Variants in SUZ12 observed in about 807,000 individuals in gnomAD.
The protein encoded by SUZ12 is SUZ12 polycomb repressive complex 2 subunit.
In SUZ12, 17 loss-of-function variants were observed where a neutral mutation model predicts 87.3. The ratio of observed to expected loss-of-function variants is 0.19; its 90% CI spans 0.13 to 0.29. SUZ12 has a LOEUF of 0.29. Ranked by LOEUF, SUZ12 falls within the 10% of genes least tolerant of loss-of-function variation. The pLI is 1.00. For missense variants in SUZ12, 526 were observed against 912.2 expected (o/e 0.58, Z 5.45); for synonymous variants, 253 against 312.4 (o/e 0.81, Z 2.01).
chr17:31,971,501 T>A (rs1399664477), intron 5 of SUZ12, among the ~76,000 whole-genome samples: 11 of 150,390 alleles, frequency 7.3e-5, no homozygotes, highest in Non-Finnish European at 1.5e-4. Flanking sequence ...GATCTCAGCT[T>A]ACTGCAACCT....
chr17:31,986,462 A>T (rs1909424763), intron 9 of SUZ12, among the ~76,000 whole-genome samples: 1 of 152,200 alleles, frequency 6.6e-6, no homozygotes, highest in Non-Finnish European at 1.5e-5. Context: ...TGTATCAAGT[A>T]TTTTATAAGA....
intron 4 of SUZ12, among the ~76,000 whole-genome samples, chr17:31,963,040 CTT>C (rs1907831691): frequency 6.6e-6 from 1 of 152,196 alleles, no homozygotes; most frequent in African/African-American, 2.4e-5. Flanking sequence ...ATAATGCTGT[CTT>C]TTTAGTAAAA....
chr17:31,977,441 A>G (rs904232492), intron 8 of SUZ12, among the ~76,000 whole-genome samples: 6 of 151,944 alleles, frequency 3.9e-5, no homozygotes, highest in South Asian at 2.1e-4. Context: ...CACCACGCCC[A>G]GCTAATTTTT....
chr17:31,966,473 G>A, intron 5 of SUZ12: 1 of 303,506 alleles, frequency 3.3e-6, no homozygotes, highest in Non-Finnish European at 6.2e-6. Context: ...TCAGCCTCCT[G>A]AGTAGCTGGG....
chr17:31,937,609 G>A lies in SUZ12; in HGVS notation c.274+89G>A. On this transcript the variant is annotated intron_variant, in intron 1 of 15. Coordinates refer to ENST00000322652, the MANE Select transcript of SUZ12 (RefSeq NM_015355.4). ...TCTGCTGGGCCCCCTTCCTCCTCGG[G>A]AGTCCACTTGTGTGGTAGTGGAGGG... 4.7e-6 allele frequency: 7 copies of A among 1,495,532 alleles called. No homozygotes were observed. The South Asian group carries it at 6.1e-5, about 13-fold the overall frequency. 92.6% of individuals were successfully genotyped at this position (1,495,532 alleles called of 1,614,324 possible).
intron 4 of SUZ12, among the ~76,000 whole-genome samples, chr17:31,963,490 A>G (rs76861559): frequency 5.3e-5 from 6 of 113,690 alleles, no homozygotes; most frequent in South Asian, 3.7e-4. Context: ...GTTCTTAGGT[A>G]TTTTTTTTGT....
chr17:31,990,121 A>AT (rs59793925), intron 10 of SUZ12, among the ~76,000 whole-genome samples: 1,582 of 99,794 alleles, frequency 0.016, 14 homozygotes, highest in South Asian at 0.021. Flanking sequence ...TGCCCGGCTA[A>AT]TTTTTTTTTT....
intron 1 of SUZ12, among the ~76,000 whole-genome samples, chr17:31,938,950 CAT>C (rs759458840): frequency 9.9e-5 from 15 of 152,156 alleles, no homozygotes; most frequent in East Asian, 1.9e-4. Context: ...TAATTATTCA[CAT>C]AGTTATTTCT....
intron 4 of SUZ12, among the ~76,000 whole-genome samples, chr17:31,954,736 G>T (rs1332973896): frequency 6.6e-6 from 1 of 152,202 alleles, no homozygotes; most frequent in Non-Finnish European, 1.5e-5. Context: ...CATCTCTGAA[G>T]AAATAAGCTG....
intron 3 of SUZ12, among the ~76,000 whole-genome samples, chr17:31,941,683 TGGACTATA>T (rs1192663837): frequency 6.6e-6 from 1 of 151,366 alleles, no homozygotes; most frequent in Non-Finnish European, 1.5e-5. Context: ...CTTAGTAGCT[TGGACTATA>T]GGCGCGTGCC....
chr17:31,968,959 G>A lies in SUZ12; in HGVS notation c.505+2763G>A, dbSNP rs560767269. 2.0e-5 allele frequency among the ~76,000 whole-genome samples: 3 copies of A among 152,218 alleles called. No homozygotes were observed. In the South Asian group the frequency reaches 6.2e-4, roughly 32 times the overall value. On this transcript the variant is annotated intron_variant, in intron 5 of 15. Coordinates refer to ENST00000322652, the MANE Select transcript of SUZ12 (RefSeq NM_015355.4). ...TGTTTTTATTTTTCTTGATATTGAA[G>A]TAAAAGAGATAGTGAACTCTGTTGA...
chr17:31,973,484 C>T (rs1012665145), intron 6 of SUZ12, among the ~76,000 whole-genome samples: 4 of 152,172 alleles, frequency 2.6e-5, no homozygotes, highest in Non-Finnish European at 4.4e-5. Context: ...TATGTTTTAG[C>T]ATCTGGCATA....
At chr17:31,952,842 C>T (rs1265051303) in intron 4 of SUZ12, among the ~76,000 whole-genome samples, 1 of 152,026 alleles carries the variant, frequency 6.6e-6, no homozygotes, top group East Asian at 1.9e-4. Flanking sequence ...GGATTACAGG[C>T]GTGTGGCACC....
At chr17:31,987,994 C>G (rs530080393) in intron 9 of SUZ12, among the ~76,000 whole-genome samples, 1 of 151,770 alleles carries the variant, frequency 6.6e-6, no homozygotes, top group African/African-American at 2.4e-5. Context: ...GGGAAATTTT[C>G]CCATGATAAC....
intron 4 of SUZ12, among the ~76,000 whole-genome samples, chr17:31,950,585 G>A (rs1906907947): frequency 6.6e-6 from 1 of 152,048 alleles, no homozygotes; most frequent in African/African-American, 2.4e-5. Context: ...TTGGGTGACT[G>A]AGGCAGGAGA....
intron 1 of SUZ12, among the ~76,000 whole-genome samples, chr17:31,938,957 A>G (rs1462643397): frequency 1.3e-5 from 2 of 152,194 alleles, no homozygotes; most frequent in Non-Finnish European, 2.9e-5. Flanking sequence ...TCACATAGTT[A>G]TTTCTATTTG....
chr17:31,984,385 A>G (rs1272804595), intron 9 of SUZ12, among the ~76,000 whole-genome samples: 1 of 152,100 alleles, frequency 6.6e-6, no homozygotes, highest in Non-Finnish European at 1.5e-5. Flanking sequence ...AGGCTCATAA[A>G]CATGTAAAAA....
chr17:31,993,635 T>C (rs899467855), intron 11 of SUZ12, among the ~76,000 whole-genome samples: 2 of 152,010 alleles, frequency 1.3e-5, no homozygotes, highest in African/African-American at 2.4e-5. Flanking sequence ...TGCCCAGGCT[T>C]GTCTTGAGCT....
At chr17:31,993,092 GATC>G (rs1251577921) in intron 10 of SUZ12, 147 bp from the exon 11 acceptor site, 2 of 522,334 alleles carry the variant, frequency 3.8e-6, no homozygotes, top group Non-Finnish European at 6.7e-6. Context: ...TTTTTCCTGC[GATC>G]ATCAGTTGAG....
Sources: allele counts gnomAD v4.1 joint callset (sites outside exome capture counted in the v4.1 genomes callset), GRCh38; gene constraint gnomAD v4.1.1; transcripts MANE v1.5; gene names NCBI Gene and HGNC (gene_info 2026-07-23, HGNC 2026-07-21).